ACVR2A: variants seen among roughly 807,000 people sequenced by gnomAD.
ACVR2A encodes the protein activin receptor type-2A.
Under a neutral mutation model 61.4 loss-of-function variants are expected in ACVR2A, and 7 were observed. The ratio of observed to expected loss-of-function variants is 0.11; its 90% CI spans 0.06 to 0.21. ACVR2A has a LOEUF of 0.21. ACVR2A is among the 10% of genes least tolerant of loss of function. ACVR2A has a pLI of 1.00. For synonymous variants in ACVR2A, 193 were observed against 208.3 expected (o/e 0.93, Z 0.63); for missense variants, 322 against 621.7 (o/e 0.52, Z 5.13).
chr2:147,861,715 G>T (rs1685731436), intron 1 of ACVR2A, among the ~76,000 whole-genome samples: 1 of 152,140 alleles, frequency 6.6e-6, no homozygotes. Flanking sequence ...AAACACTTCT[G>T]ATCCTAAGCA....
chr2:147,923,640 T>C (rs1251702233), intron 9 of ACVR2A, among the ~76,000 whole-genome samples: 3 of 152,104 alleles, frequency 2.0e-5, no homozygotes, highest in African/African-American at 4.8e-5. Context: ...TCAGACGATA[T>C]TTCCAGTGTG....
intron 1 of ACVR2A, among the ~76,000 whole-genome samples, chr2:147,895,337 A>T (rs189056557): frequency 2.6e-5 from 4 of 152,154 alleles, no homozygotes. Flanking sequence ...AAGTGTTGCA[A>T]ATATCTACTT....
intron 1 of ACVR2A, among the ~76,000 whole-genome samples, chr2:147,848,385 G>A (rs1685368218): frequency 6.6e-6 from 1 of 152,042 alleles, no homozygotes. Context: ...CCCATCCATG[G>A]GACATTTGGA....
chr2:147,913,320 T>C lies in ACVR2A; in HGVS notation c.529-1871T>C, dbSNP rs1687164757. ...ATAAAAGCTATTAAAAATCTTAATA[T>C]TGTAATTTAGCACTGTATTCCCTCT... On this transcript the variant is annotated intron_variant, in intron 4 of 10. Coordinates refer to ENST00000241416, the MANE Select transcript of ACVR2A (RefSeq NM_001616.5). Among the ~76,000 whole-genome samples the C allele has an allele frequency of 2.0e-5, 3 of 151,940 alleles. No individual in the cohort carries two copies. The Admixed American group carries it at 2.0e-4, about 10-fold the overall frequency.
intron 1 of ACVR2A, among the ~76,000 whole-genome samples, chr2:147,882,610 TC>T (rs2105172678): frequency 6.6e-6 from 1 of 152,304 alleles, no homozygotes; most frequent in African/African-American, 2.4e-5. Context: ...AATGTTGACT[TC>T]CAAGTATTTT....
At chr2:147,903,482 C>G (rs1490868809) in intron 4 of ACVR2A, among the ~76,000 whole-genome samples, 1 of 151,750 alleles carries the variant, frequency 6.6e-6, no homozygotes. Flanking sequence ...GCGTCCATTT[C>G]TCTCCCTTCA....
chr2:147,846,753 A>G (rs1463072817), intron 1 of ACVR2A, among the ~76,000 whole-genome samples: 2 of 152,148 alleles, frequency 1.3e-5, no homozygotes, highest in African/African-American at 4.8e-5. Context: ...TGACTTAACC[A>G]TGTAGTTTTT....
intron 7 of ACVR2A, 142 bp from the exon 8 acceptor site, chr2:147,920,084 CTTTG>C (rs981872076): frequency 3.3e-6 from 2 of 598,000 alleles, no homozygotes; most frequent in African/African-American, 3.8e-5. Context: ...GGGCTCTGAG[CTTTG>C]TTTGTCTCAC....
At chr2:147,922,926 C>T in intron 8 of ACVR2A, 47 bp from the exon 9 acceptor site, 1 of 1,578,360 alleles carries the variant, frequency 6.3e-7, no homozygotes, top group Non-Finnish European at 8.6e-7. Context: ...TATGTTAGTT[C>T]ATAAAGTTAA....
At chr2:147,914,623 A>G (rs1375566500) in intron 4 of ACVR2A, among the ~76,000 whole-genome samples, 1 of 152,026 alleles carries the variant, frequency 6.6e-6, no homozygotes, top group Non-Finnish European at 1.5e-5. Flanking sequence ...CAGTTTGGTT[A>G]AAGAAATATT....
chr2:147,854,025 T>G (rs1685506852), intron 1 of ACVR2A, among the ~76,000 whole-genome samples: 7 of 152,298 alleles, frequency 4.6e-5, no homozygotes, highest in Admixed American at 3.9e-4. Flanking sequence ...TATTAGTTTT[T>G]AATCTATCTT....
At chr2:147,849,133 C>G (rs1384295450) in intron 1 of ACVR2A, among the ~76,000 whole-genome samples, 3 of 152,090 alleles carry the variant, frequency 2.0e-5, no homozygotes, top group Non-Finnish European at 4.4e-5. Flanking sequence ...TGGATAAACT[C>G]TCCTATCACC....
intron 2 of ACVR2A, 133 bp from the exon 3 acceptor site, chr2:147,899,325 A>G: frequency 1.7e-6 from 1 of 598,574 alleles, no homozygotes; most frequent in Non-Finnish European, 2.6e-6. Context: ...TTTAAGAATT[A>G]TTAGATATAA....
chr2:147,880,510 C>T (rs757609187), intron 1 of ACVR2A, among the ~76,000 whole-genome samples: 6 of 151,878 alleles, frequency 4.0e-5, no homozygotes, highest in Non-Finnish European at 8.8e-5. Flanking sequence ...ACTTGAAATC[C>T]TCTGTCTTTA....
At chr2:147,892,979 T>TATATGTAGA (rs1418287626) in intron 1 of ACVR2A, among the ~76,000 whole-genome samples, 3 of 152,252 alleles carry the variant, frequency 2.0e-5, no homozygotes, top group South Asian at 4.1e-4. Flanking sequence ...ATATGAACCA[T>TATATGTAGA]ACATATTATA....
chr2:147,873,171 A>C (rs1291988822), intron 1 of ACVR2A, among the ~76,000 whole-genome samples: 1 of 151,920 alleles, frequency 6.6e-6, no homozygotes, highest in African/African-American at 2.4e-5. Context: ...GGTTATAATG[A>C]GGTCATTGGG....
rs1686760527 is a variant in ACVR2A at position 147,897,259 on chromosome 2, C to T, written c.263+751C>T. 7 of 152,244 alleles carry T rather than the reference C, an allele frequency of 4.6e-5. No homozygotes were observed. The South Asian group carries it at 1.4e-3, about 32-fold the overall frequency. The allele number at this position is 152,244 out of a possible 1,614,324, so 9.4% of individuals were successfully genotyped here. A position where few individuals can be genotyped will look rare whatever the true frequency, so the allele number is the denominator to read the frequency against. On this transcript the variant is annotated intron_variant, in intron 2 of 10. Coordinates refer to ENST00000241416, the MANE Select transcript of ACVR2A (RefSeq NM_001616.5). The stretch of plus-strand genomic sequence containing the variant: ...CCGACCTCAGGTTATCCGCCTACCT[C>T]AGCCTCCCAAAGTGCTAGGATTACA...
rs1046296189 is a variant in ACVR2A, at chr2:147,928,405, G to A, written c.*1131G>A. The A allele has an allele frequency of 6.6e-6, 1 of 152,030 alleles. No individual in the cohort carries two copies. Among genetic ancestry groups the A allele is most frequent in the African/African-American group, 2.4e-5 (1 of 41,288 alleles). The allele number at this position is 152,030 out of a possible 1,614,324, so 9.4% of individuals were successfully genotyped here. A position where few individuals can be genotyped will look rare whatever the true frequency, so the allele number is the denominator to read the frequency against. Reference sequence around the variant, plus strand: ...CGTTACCCAGAATTCCCCACTGTCTGCTATGAGACTTGTAACTTTATCACT... The same window carrying A: ...CGTTACCCAGAATTCCCCACTGTCTACTATGAGACTTGTAACTTTATCACT... On this transcript the variant is annotated 3_prime_UTR_variant, in exon 11 of 11. Coordinates refer to ENST00000241416, the MANE Select transcript of ACVR2A (RefSeq NM_001616.5).
chr2:147,908,969 T>C (rs540765854), intron 4 of ACVR2A, among the ~76,000 whole-genome samples: 3 of 152,334 alleles, frequency 2.0e-5, no homozygotes, highest in African/African-American at 7.2e-5. Flanking sequence ...AAAGATTTTT[T>C]GTATTCCAGA....
Sources: allele counts gnomAD v4.1 joint callset (sites outside exome capture counted in the v4.1 genomes callset), GRCh38; gene constraint gnomAD v4.1.1; transcripts MANE v1.5; gene names NCBI Gene and HGNC (gene_info 2026-07-23, HGNC 2026-07-21).